The following ACACA variants were observed in gnomAD, a reference collection of about 807,000 sequenced individuals.
ACACA encodes the protein acetyl-CoA carboxylase alpha, also known as acetyl-CoA carboxylase 1.
Under a neutral mutation model 296.1 loss-of-function variants are expected in ACACA, and 103 were observed. The ratio of observed to expected loss-of-function variants is 0.35; its 90% confidence interval spans 0.30 to 0.41. ACACA has a LOEUF of 0.41. ACACA is among the 10% of genes least tolerant of loss of function. The pLI, the probability that ACACA is intolerant of heterozygous loss-of-function variation, is 1.00. For missense variants in ACACA, 1,554 were observed against 2,989.7 expected (o/e 0.52, Z 11.20); for synonymous variants, 953 against 1,038.6 (o/e 0.92, Z 1.58).
intron 3 of ACACA, among the ~76,000 whole-genome samples, chr17:37,308,755 T>C (rs981784515): frequency 1.3e-5 from 2 of 152,096 alleles, no homozygotes; most frequent in Admixed American, 6.6e-5. Context: ...CTGGGTAATA[T>C]GGTGAAACAC....
chr17:37,094,416 C>T (rs1325093010), intron 54 of ACACA, among the ~76,000 whole-genome samples: 1 of 152,180 alleles, frequency 6.6e-6, no homozygotes, highest in Non-Finnish European at 1.5e-5. Flanking sequence ...CAAGGCATAG[C>T]TAATAGATGC....
intron 45 of ACACA, among the ~76,000 whole-genome samples, chr17:37,130,444 A>G (rs2075034284): frequency 6.6e-6 from 1 of 152,238 alleles, no homozygotes; most frequent in African/African-American, 2.4e-5. Context: ...AGGGCTTACT[A>G]TAGCATTAGG....
intron 3 of ACACA, among the ~76,000 whole-genome samples, chr17:37,289,794 G>A (rs1443091287): frequency 6.6e-6 from 1 of 152,174 alleles, no homozygotes; most frequent in East Asian, 1.9e-4. Flanking sequence ...TGCTGATGGG[G>A]ATCCTTCCAA....
intron 36 of ACACA, 25 bp downstream of exon 36, chr17:37,193,349 A>T (rs754737479): frequency 5.9e-5 from 88 of 1,501,928 alleles, no homozygotes; most frequent in Admixed American, 8.7e-5. Context: ...TTTTTTTTTT[A>T]AATAGGAAAG....
intron 1 of ACACA, among the ~76,000 whole-genome samples, chr17:37,389,983 T>C (rs2050721342): frequency 6.7e-6 from 1 of 148,584 alleles, no homozygotes; most frequent in African/African-American, 2.5e-5. Flanking sequence ...GAGTCAAGAA[T>C]CTTACTTTTA....
intron 5 of ACACA, among the ~76,000 whole-genome samples, chr17:37,280,730 A>AACACACACAC (rs71979048): frequency 0.027 from 3,950 of 146,424 alleles, 119 homozygotes; most frequent in East Asian, 0.15. Flanking sequence ...TTACATAGTT[A>AACACACACAC]ACACACACAC....
intron 52 of ACACA, among the ~76,000 whole-genome samples, chr17:37,106,637 G>A (rs1433953605): frequency 6.6e-6 from 1 of 152,154 alleles, no homozygotes; most frequent in African/African-American, 2.4e-5. Context: ...TATAAAAAAG[G>A]TCAGGGAACA....
chr17:37,186,600 T>C (rs1392045222), intron 39 of ACACA, among the ~76,000 whole-genome samples: 1 of 152,240 alleles, frequency 6.6e-6, no homozygotes, highest in Non-Finnish European at 1.5e-5. Context: ...AGTTCCCACG[T>C]CTAGCCACAG....
intron 2 of ACACA, among the ~76,000 whole-genome samples, chr17:37,334,482 T>C (rs139128045): frequency 0.011 from 1,742 of 152,146 alleles, 36 homozygotes; most frequent in African/African-American, 0.04. Flanking sequence ...TTATCTACCC[T>C]AACGGCAGTT....
chr17:37,085,526 T>C lies in ACACA; in HGVS notation c.*1790A>G, dbSNP rs1226090996. ...TCTGGTCAAAAATGAATCCAATTCT[T>C]ACTAGGTAAGCAAATAGCCAGCAAT... On this transcript the variant is annotated 3_prime_UTR_variant, in exon 56 of 56. Transcript: ENST00000616317. 2.5e-6 allele frequency: 1 copy of C among 398,242 alleles called. No individual in the cohort carries two copies. Among genetic ancestry groups the C allele is most frequent in the Non-Finnish European group, 4.4e-6 (1 of 226,090 alleles). 24.7% of individuals were successfully genotyped at this position (398,242 alleles called of 1,614,324 possible). A position where few individuals can be genotyped will look rare whatever the true frequency, so the allele number is the denominator to read the frequency against.
At chr17:37,293,574 GCT>G (rs1328066987) in intron 3 of ACACA, among the ~76,000 whole-genome samples, 3 of 103,610 alleles carry the variant, frequency 2.9e-5, no homozygotes, top group Non-Finnish European at 5.4e-5. Context: ...ACAGAGTCTT[GCT>G]CTGTCCCCCA....
At chr17:37,339,659 T>C (rs2048295217) in intron 2 of ACACA, 145 bp downstream of exon 2, 1 of 611,894 alleles carries the variant, frequency 1.6e-6, no homozygotes, top group Non-Finnish European at 2.9e-6. Context: ...TTAGACTCTT[T>C]GTTCACTTCA....
chr17:37,349,822 G>A (rs2147457153), intron 1 of ACACA, among the ~76,000 whole-genome samples: 1 of 152,124 alleles, frequency 6.6e-6, no homozygotes, highest in South Asian at 2.1e-4. Context: ...GCCTCCCAAA[G>A]TGCTGGGATT....
chr17:37,146,844 C>T (rs564992565), intron 45 of ACACA, among the ~76,000 whole-genome samples: 17 of 148,412 alleles, frequency 1.1e-4, no homozygotes, highest in Non-Finnish European at 2.2e-4. Flanking sequence ...CCCAAAACCC[C>T]CCAACCCCCC....
At chr17:37,118,886 G>C (rs114958562) in intron 50 of ACACA, among the ~76,000 whole-genome samples, 2 of 152,090 alleles carry the variant, frequency 1.3e-5, no homozygotes, top group African/African-American at 4.8e-5. Flanking sequence ...CTGTTACAGC[G>C]CGGCAGCCAA....
chr17:37,251,300 CAT>C (rs2080982964), intron 16 of ACACA, among the ~76,000 whole-genome samples: 1 of 152,196 alleles, frequency 6.6e-6, no homozygotes, highest in Admixed American at 6.5e-5. Context: ...GGTTTTACTA[CAT>C]GAGAGTAACA....
chr17:37,179,389 C>A lies in ACACA; in HGVS notation c.4950G>T (p.Trp1650Cys). 1 of 1,614,078 alleles carries A rather than the reference C, an allele frequency of 6.2e-7. No homozygotes were observed. Among genetic ancestry groups the A allele is most frequent in the Non-Finnish European group, 8.5e-7 (1 of 1,180,000 alleles). The stretch of plus-strand genomic sequence containing the variant: ...GAAATGCTTGAGTGGACATAGACTC[C>A]CAGAGTTTGATCAGGGACTAGTGGA... Reference protein sequence around the residue: ...EMFRQSLIKLWESMSTQAFLP... With the variant: ...EMFRQSLIKLCESMSTQAFLP... Residue 1650 changes from tryptophan (W) to cysteine (C), a missense_variant, in exon 41 of 56, where the codon TGG (tryptophan) becomes TGT (cysteine). Around this residue, in one of 16 missense-constraint regions of ACACA, gnomAD observed 553 missense variants for 1,043.6 expected, o/e 0.53. Coordinates refer to ENST00000616317, the MANE Select transcript of ACACA (RefSeq NM_198834.3).
Position 37,259,471 on chromosome 17 carries a change from C to T in ACACA, c.1389G>A (p.Leu463=). The change falls in exon 12 of 56, where the codon CTG becomes CTA. Residue 463 remains leucine (L), a synonymous_variant. Coordinates refer to ENST00000616317, the MANE Select transcript of ACACA (RefSeq NM_198834.3). ...AGTAGAAGCTGCCATCCTGGCTGTACAGGTATTCCACAGTCCCAGCACTCA... is the reference window on the plus strand; with the variant it reads ...AGTAGAAGCTGCCATCCTGGCTGTATAGGTATTCCACAGTCCCAGCACTCA... The part of the protein sequence containing the change: ...GYVSAGTVEY[L]YSQDGSFYFL... 1 of 1,614,144 alleles carries T rather than the reference C, an allele frequency of 6.2e-7. No individual in the cohort carries two copies. Among genetic ancestry groups the T allele is most frequent in the South Asian group, 1.1e-5 (1 of 91,082 alleles).
chr17:37,279,532 TGAGGCTGAGG>T (rs1021161061), intron 5 of ACACA, among the ~76,000 whole-genome samples: 3 of 150,410 alleles, frequency 2.0e-5, no homozygotes, highest in Admixed American at 6.6e-5. Flanking sequence ...ACAGACAGAG[TGAGGCTGAGG>T]GAGGCTGAGG....
Sources: gnomAD v4.1 joint callset for allele counts (sites outside exome capture counted in the v4.1 genomes callset) on GRCh38, gnomAD v4.1.1 for gene constraint, gnomAD v4.1.1 regional missense constraint, MANE v1.5 for transcripts, NCBI Gene and HGNC (gene_info 2026-07-23, HGNC 2026-07-21) for gene names.